SLC14A2: variants seen among roughly 807,000 people sequenced by gnomAD.
The protein encoded by SLC14A2 is urea transporter 2.
In SLC14A2, 91 loss-of-function variants were observed where a neutral mutation model predicts 104.6. The ratio of observed to expected loss-of-function variants is 0.87; its 90% CI spans 0.73 to 1.04. The LOEUF (loss-of-function observed/expected upper bound fraction) is 1.04. Among genes scored for constraint, SLC14A2 ranks in the 50% least tolerant of loss-of-function variants. The pLI is 0.00. For missense variants in SLC14A2, 1,189 were observed against 1,156.0 expected (o/e 1.03, Z -0.41); for synonymous variants, 476 against 466.4 (o/e 1.02, Z -0.27).
intron 2 of SLC14A2, among the ~76,000 whole-genome samples, chr18:45,526,209 C>T (rs1425038769): frequency 6.6e-6 from 1 of 152,158 alleles, no homozygotes; most frequent in Admixed American, 6.5e-5. Context: ...CCAACAGTGA[C>T]CCCTCATGGT....
At chr18:45,170,722 A>T in the SLC14A2 span, among the ~76,000 whole-genome samples, 1 of 152,170 alleles carries the variant, frequency 6.6e-6, no homozygotes, top group East Asian at 1.9e-4. Flanking sequence ...AACCAGTGTT[A>T]ACTTTCACTG....
At chr18:45,450,472 AG>A (rs1360189479) in intron 1 of SLC14A2, among the ~76,000 whole-genome samples, 1 of 152,180 alleles carries the variant, frequency 6.6e-6, no homozygotes, top group Non-Finnish European at 1.5e-5. Flanking sequence ...GAGGGGTTAT[AG>A]GGGTTTGACA....
intron 1 of SLC14A2, among the ~76,000 whole-genome samples, chr18:45,370,184 G>A (rs2085708184): frequency 6.6e-6 from 1 of 152,110 alleles, no homozygotes; most frequent in Admixed American, 6.6e-5. Flanking sequence ...TCCCCTTCCT[G>A]GAAAAGGAGT....
At chr18:45,390,349 G>A (rs115923703) in intron 1 of SLC14A2, among the ~76,000 whole-genome samples, 1 of 152,136 alleles carries the variant, frequency 6.6e-6, no homozygotes, top group African/African-American at 2.4e-5. Flanking sequence ...GTGCTTGTAG[G>A]GCTCCAAGAA....
intron 1 of SLC14A2, among the ~76,000 whole-genome samples, chr18:45,316,841 A>G (rs377684217): frequency 2.0e-5 from 3 of 152,188 alleles, no homozygotes; most frequent in African/African-American, 4.8e-5. Flanking sequence ...CCATGAAGGC[A>G]TCTGCAAATA....
At chr18:45,531,269 C>T (rs891260806) in intron 2 of SLC14A2, among the ~76,000 whole-genome samples, 7 of 152,130 alleles carry the variant, frequency 4.6e-5, no homozygotes, top group Non-Finnish European at 7.4e-5. Context: ...CCTGAGGAAT[C>T]GCCACACTGA....
chr18:45,534,369 C>A (rs957331495), intron 2 of SLC14A2, among the ~76,000 whole-genome samples: 17 of 152,062 alleles, frequency 1.1e-4, no homozygotes, highest in African/African-American at 2.7e-4. Context: ...AGGAAAAAAA[C>A]CCCAGAGAGG....
chr18:45,541,030 A>C (rs935075132), intron 2 of SLC14A2, among the ~76,000 whole-genome samples: 16 of 152,176 alleles, frequency 1.1e-4, no homozygotes, highest in Non-Finnish European at 2.2e-4. Flanking sequence ...TTTGAGAAGA[A>C]CACAAGCTCA....
At chr18:45,221,729 A>G (rs2084064113) in intron 1 of SLC14A2, among the ~76,000 whole-genome samples, 1 of 152,078 alleles carries the variant, frequency 6.6e-6, no homozygotes. Flanking sequence ...TGTAACCTTC[A>G]ACAGAAAACA....
chr18:45,542,042 T>TTG (rs1568268258), intron 2 of SLC14A2, among the ~76,000 whole-genome samples: 1 of 105,768 alleles, frequency 9.5e-6, no homozygotes, highest in East Asian at 3.4e-4. Flanking sequence ...AGGGTTTTTT[T>TTG]TTTTTTTTTT....
At chr18:45,615,012 G>A (rs1490266855), upstream of SLC14A2, 1 of 152,152 alleles carries the variant, frequency 6.6e-6, no homozygotes, top group Non-Finnish European at 1.5e-5. Context: ...GGCCAGGCTG[G>A]TCTCGAACTT....
intron 1 of SLC14A2, among the ~76,000 whole-genome samples, chr18:45,470,989 T>TGTG (rs2087237801): frequency 6.6e-6 from 1 of 151,548 alleles, no homozygotes; most frequent in Non-Finnish European, 1.5e-5. Flanking sequence ...TTCCAGTTTG[T>TGTG]GTGTGTGTGT....
At chr18:45,661,299 G>C (rs1356089072) in intron 10 of SLC14A2, among the ~76,000 whole-genome samples, 1 of 152,228 alleles carries the variant, frequency 6.6e-6, no homozygotes, top group Non-Finnish European at 1.5e-5. Context: ...TTTCCAGGTA[G>C]ATGTTGCCTT....
At chr18:45,622,595 G>C (rs2045191464) in intron 1 of SLC14A2, among the ~76,000 whole-genome samples, 1 of 152,182 alleles carries the variant, frequency 6.6e-6, no homozygotes. Flanking sequence ...AGGAGCACCA[G>C]GGCTGAGAAG....
chr18:45,634,665 G>A (rs2045391316), intron 5 of SLC14A2, among the ~76,000 whole-genome samples: 2 of 152,172 alleles, frequency 1.3e-5, no homozygotes, highest in Admixed American at 6.5e-5. Flanking sequence ...GGCAGGAGGG[G>A]AGGGCAGGTA....
At chr18:45,404,353 C>T (rs2086130464) in intron 1 of SLC14A2, among the ~76,000 whole-genome samples, 1 of 152,126 alleles carries the variant, frequency 6.6e-6, no homozygotes, top group Admixed American at 6.6e-5. Flanking sequence ...AAATCAAACG[C>T]CACTGCAGTA....
In SLC14A2 at chr18:45,429,888, C is replaced by T. The variant is rs117523782; in HGVS notation, c.-124-53345C>T. ...CAGAAAGAACCTGGTTCCCTTTGCTCCTGAAGTTGTTTTAGTCCTTCCCTA... is the reference window on the plus strand; with the variant it reads ...CAGAAAGAACCTGGTTCCCTTTGCTTCTGAAGTTGTTTTAGTCCTTCCCTA... On this transcript the variant is annotated intron_variant, in intron 1 of 20. Transcript: ENST00000586448. Among the ~76,000 whole-genome samples, 928 of 152,196 alleles carry T rather than the reference C, an allele frequency of 6.1e-3. 3 individuals are homozygous for T. Among genetic ancestry groups the T allele is most frequent in the Non-Finnish European group, 9.0e-3 (611 of 68,008 alleles).
At chr18:45,633,785 T>TA (rs1324398930) in intron 5 of SLC14A2, among the ~76,000 whole-genome samples, 1 of 152,254 alleles carries the variant, frequency 6.6e-6, no homozygotes, top group East Asian at 1.9e-4. Context: ...TAATTTAGCT[T>TA]AACTACTCTT....
intron 1 of SLC14A2, among the ~76,000 whole-genome samples, chr18:45,351,016 C>T (rs988203779): frequency 6.6e-6 from 1 of 152,152 alleles, no homozygotes; most frequent in African/African-American, 2.4e-5. Context: ...CCTGGCCTGA[C>T]GTTCCTAACT....
Sources: gnomAD v4.1 joint callset for allele counts (sites outside exome capture counted in the v4.1 genomes callset) on GRCh38, gnomAD v4.1.1 for gene constraint, MANE v1.5 for transcripts, NCBI Gene and HGNC (gene_info 2026-07-23, HGNC 2026-07-21) for gene names.